Variants in ANKRD26 observed in about 807,000 individuals in gnomAD.
The protein encoded by ANKRD26 is ankyrin repeat domain 26, also known as ankyrin repeat domain-containing protein 26.
In ANKRD26, 141 loss-of-function variants were observed where a neutral mutation model predicts 208.7. The observed-to-expected ratio is 0.68, with a 90% confidence interval of 0.59 to 0.78. The LOEUF (loss-of-function observed/expected upper bound fraction) is 0.78, where lower values mean the gene tolerates loss of function less well. Ranked by LOEUF, ANKRD26 falls within the 30% of genes least tolerant of loss-of-function variation. The probability of loss-of-function intolerance (pLI) is 0.00; values close to 1 mark genes in which losing one functional copy is unlikely to be tolerated. For synonymous variants in ANKRD26, 636 were observed against 660.4 expected, an observed-to-expected ratio of 0.96 and a Z score of 0.57; for missense variants, 1,889 against 1,938.7, an observed-to-expected ratio of 0.97 and a Z score of 0.48.
At chr10:27,032,271 G>A (rs1007410324) in intron 25 of ANKRD26, among the ~76,000 whole-genome samples, 3 of 152,202 alleles carry the variant, frequency 2.0e-5, no homozygotes, top group Admixed American at 1.3e-4. Context: ...GGCCCAGGCA[G>A]GTGGAACACC....
downstream of ANKRD26, among the ~76,000 whole-genome samples, chr10:26,989,009 C>A (rs1378588484): frequency 6.6e-6 from 1 of 152,052 alleles, no homozygotes; most frequent in African/African-American, 2.4e-5. Context: ...GAGGACACAG[C>A]CCCCTTTTGA....
chr10:26,962,524 G>A, the ANKRD26 span, among the ~76,000 whole-genome samples: 4 of 152,248 alleles, frequency 2.6e-5, no homozygotes, highest in South Asian at 6.2e-4. Flanking sequence ...GCAGTGAGCC[G>A]AGATCACGCC....
chr10:27,082,076 G>A (rs77264134), intron 6 of ANKRD26, among the ~76,000 whole-genome samples: 2,587 of 38,368 alleles, frequency 0.067, 171 homozygotes, highest in South Asian at 0.35. Context: ...AAAAAAAAAG[G>A]GAGAGAGAGA....
chr10:26,961,669 C>A, the ANKRD26 span, among the ~76,000 whole-genome samples: 1 of 151,332 alleles, frequency 6.6e-6, no homozygotes, highest in South Asian at 2.1e-4. Flanking sequence ...TATAGTGAAA[C>A]CTTGTCTCTA....
intron 4 of ANKRD26, among the ~76,000 whole-genome samples, chr10:26,998,983 G>C (rs1403405377): frequency 6.6e-6 from 1 of 152,194 alleles, no homozygotes; most frequent in Admixed American, 6.5e-5. Flanking sequence ...CCAAGAGGAA[G>C]TAAGTGATTC....
chr10:27,028,370 G>A (rs571112730), intron 27 of ANKRD26, among the ~76,000 whole-genome samples: 14 of 152,074 alleles, frequency 9.2e-5, no homozygotes, highest in South Asian at 8.3e-4. Context: ...GCCGAGGCGG[G>A]CGGATCATGA....
At chr10:27,021,249 T>C (rs576566634) in intron 29 of ANKRD26, among the ~76,000 whole-genome samples, 1 of 152,362 alleles carries the variant, frequency 6.6e-6, no homozygotes, top group South Asian at 2.1e-4. Context: ...GCAATAAACA[T>C]GGGAATGCAG....
downstream of ANKRD26, among the ~76,000 whole-genome samples, chr10:26,972,061 C>A (rs555342357): frequency 3.3e-5 from 5 of 152,080 alleles, no homozygotes; most frequent in South Asian, 1.0e-3. Flanking sequence ...CGGTGAAACC[C>A]CGTCTCTACT....
chr10:26,957,077 AT>A, the ANKRD26 span, among the ~76,000 whole-genome samples: 1 of 152,208 alleles, frequency 6.6e-6, no homozygotes, highest in African/African-American at 2.4e-5. Flanking sequence ...TTGGCAAGAG[AT>A]TTTGGCAAAA....
chr10:27,055,592 T>C (rs1020065535), intron 15 of ANKRD26, among the ~76,000 whole-genome samples: 3 of 152,218 alleles, frequency 2.0e-5, no homozygotes, highest in Non-Finnish European at 2.9e-5. Context: ...ATCAACAGAC[T>C]GGGTGTCCTA....
the ANKRD26 span, among the ~76,000 whole-genome samples, chr10:26,951,229 C>T: frequency 5.9e-5 from 9 of 151,786 alleles, no homozygotes; most frequent in Non-Finnish European, 8.8e-5. Flanking sequence ...ATCATGATTG[C>T]TTCTGTTATT....
At chr10:26,951,008 CTTTTCTTTTTCTTTT>C in the ANKRD26 span, among the ~76,000 whole-genome samples, 6 of 62,696 alleles carry the variant, frequency 9.6e-5, no homozygotes, top group Non-Finnish European at 1.7e-4. Flanking sequence ...TTTTTCTTTT[CTTTTCTTTTTCTTTT>C]TTTTTTTTTT....
intron 1 of ANKRD26, 97 bp from the exon 2 acceptor site, chr10:27,093,896 G>C: frequency 9.6e-7 from 1 of 1,037,798 alleles, no homozygotes; most frequent in South Asian, 1.3e-5. Flanking sequence ...ATGTTGATAT[G>C]GTTTGGCTGT....
In ANKRD26 at chr10:27,086,451, A is replaced by G. The variant is rs933796796; in HGVS notation, c.709+88T>C. The stretch of plus-strand genomic sequence containing the variant: ...TGCACCTTATACACTGATTTTTAAA[A>G]CTGCTTTTCTGTGATCAACACTTCC... On this transcript the variant is annotated intron_variant, in intron 5 of 33. Coordinates refer to ENST00000376087, the MANE Select transcript of ANKRD26 (RefSeq NM_014915.3). 2.6e-6 allele frequency: 4 copies of G among 1,533,494 alleles called. No individual in the cohort carries two copies. In the African/African-American group the frequency reaches 5.5e-5, roughly 21 times the overall value. 95.0% of individuals were successfully genotyped at this position (1,533,494 alleles called of 1,614,324 possible).
intron 32 of ANKRD26, 99 bp downstream of exon 32, chr10:27,012,783 G>T: frequency 8.2e-7 from 1 of 1,225,638 alleles, no homozygotes; most frequent in Non-Finnish European, 1.2e-6. Context: ...CTGCACTCCA[G>T]CCTGGACAAC....
At chr10:26,966,784 T>C in the ANKRD26 span, among the ~76,000 whole-genome samples, 1 of 152,204 alleles carries the variant, frequency 6.6e-6, no homozygotes, top group African/African-American at 2.4e-5. Flanking sequence ...TAAGAAATCC[T>C]GTTAGCAGCT....
intron 32 of ANKRD26, among the ~76,000 whole-genome samples, chr10:27,011,207 A>C (rs1589210894): frequency 6.6e-6 from 1 of 152,202 alleles, no homozygotes; most frequent in African/African-American, 2.4e-5. Flanking sequence ...ATGATACACA[A>C]CAAAAACTAG....
At chr10:26,948,083 G>A in the ANKRD26 span, among the ~76,000 whole-genome samples, 1 of 152,180 alleles carries the variant, frequency 6.6e-6, no homozygotes, top group Non-Finnish European at 1.5e-5. Context: ...TGGGAGTCCA[G>A]GCAGACGCCT....
chr10:26,981,258 T>C (rs887155325), intron 4 of ANKRD26, among the ~76,000 whole-genome samples: 5 of 152,070 alleles, frequency 3.3e-5, no homozygotes, highest in Non-Finnish European at 7.4e-5. Context: ...AGTAGGGAAA[T>C]GTGTTTCAAA....
Sources: allele counts gnomAD v4.1 joint callset (sites outside exome capture counted in the v4.1 genomes callset), GRCh38; gene constraint gnomAD v4.1.1; transcripts MANE v1.5; gene names NCBI Gene and HGNC (gene_info 2026-07-23, HGNC 2026-07-21).